The following CLIC4 variants were observed in gnomAD, a reference collection of about 807,000 sequenced individuals.
CLIC4 encodes the protein chloride intracellular channel protein 4.
In CLIC4, 13 loss-of-function variants were observed where a neutral mutation model predicts 24.6. The ratio of observed to expected loss-of-function variants is 0.53; its 90% confidence interval spans 0.34 to 0.84. The LOEUF is 0.84. Among genes scored for constraint, CLIC4 ranks in the 40% least tolerant of loss-of-function variants. CLIC4 has a pLI of 0.01. For synonymous variants in CLIC4, 104 were observed against 111.3 expected (o/e 0.93, Z 0.41); for missense variants, 227 against 301.7 (o/e 0.75, Z 1.83).
At chr1:24,771,754 T>C (rs9332415) in intron 1 of CLIC4, 239,652 of 392,268 alleles carry the variant, frequency 0.61, 75,898 homozygotes, top group Non-Finnish European at 0.68. Flanking sequence ...ATTGGGGTTT[T>C]GTAACTAGCT....
intron 4 of CLIC4, among the ~76,000 whole-genome samples, chr1:24,829,363 G>A (rs1639817778): frequency 6.6e-6 from 1 of 152,144 alleles, no homozygotes; most frequent in South Asian, 2.1e-4. Context: ...AAAATGTGAA[G>A]AATAAAGGGA....
chr1:24,802,715 T>TTC (rs1639504704), intron 2 of CLIC4, among the ~76,000 whole-genome samples: 1 of 150,140 alleles, frequency 6.7e-6, no homozygotes, highest in African/African-American at 2.4e-5. Flanking sequence ...CTTTTTCTTT[T>TTC]TTTTTTTTTT....
chr1:24,808,327 TATATAAA>T (rs1639574911), intron 2 of CLIC4, among the ~76,000 whole-genome samples: 1 of 152,174 alleles, frequency 6.6e-6, no homozygotes, highest in Non-Finnish European at 1.5e-5. Context: ...TCAAGTTTCT[TATATAAA>T]ATGGAATAGT....
chr1:24,819,459 C>T (rs775059054), intron 3 of CLIC4, among the ~76,000 whole-genome samples: 16 of 147,120 alleles, frequency 1.1e-4, no homozygotes, highest in East Asian at 3.9e-4. Context: ...TTTTTTGAGA[C>T]GGAGTTTCAC....
chr1:24,827,700 T>C (rs532596278), intron 4 of CLIC4, among the ~76,000 whole-genome samples: 1 of 152,248 alleles, frequency 6.6e-6, no homozygotes, highest in South Asian at 2.1e-4. Flanking sequence ...TTTCAAGTCA[T>C]GTTTTCGCGG....
At chr1:24,773,616 T>TG (rs1639098076) in intron 1 of CLIC4, among the ~76,000 whole-genome samples, 1 of 67,696 alleles carries the variant, frequency 1.5e-5, no homozygotes, top group African/African-American at 4.9e-5. Context: ...TTTTTTTTTT[T>TG]GACAGGGCCT....
chr1:24,810,744 G>A lies in CLIC4; in HGVS notation c.183-3350G>A, dbSNP rs990052061. Among the ~76,000 whole-genome samples, 85 of 151,256 alleles carry A rather than the reference G, an allele frequency of 5.6e-4. 1 individual carries two copies. Among genetic ancestry groups the A allele is most frequent in the African/African-American group, 2.0e-3 (83 of 41,118 alleles). On this transcript the variant is annotated intron_variant, in intron 2 of 5. Coordinates refer to ENST00000374379, the MANE Select transcript of CLIC4 (RefSeq NM_013943.3). ...ACCATGATTGTGACACTGCACTCCT[G>A]CTTTGGTGACTGGTCTCAAAAAAAA...
intron 1 of CLIC4, among the ~76,000 whole-genome samples, chr1:24,790,237 G>A (rs6663102): frequency 0.99 from 151,449 of 152,264 alleles, 75,321 homozygotes; most frequent in Middle Eastern, 1. Context: ...ACACTCGGCT[G>A]ATTTTTGTAT....
chr1:24,818,361 A>G (rs1218347476), intron 3 of CLIC4, among the ~76,000 whole-genome samples: 1 of 152,050 alleles, frequency 6.6e-6, no homozygotes, highest in Non-Finnish European at 1.5e-5. Context: ...ATCTTGGCTC[A>G]CTACAACCTC....
chr1:24,840,068 T>C, intron 5 of CLIC4, 27 bp downstream of exon 5: 1 of 1,601,794 alleles, frequency 6.2e-7, no homozygotes. Context: ...TGATGTCGCA[T>C]TGCCATTACC....
intron 3 of CLIC4, among the ~76,000 whole-genome samples, chr1:24,816,029 T>C (rs572629126): frequency 1.3e-5 from 2 of 152,310 alleles, no homozygotes; most frequent in South Asian, 2.1e-4. Context: ...ATTCAAATTT[T>C]ATTATGAAGG....
chr1:24,788,601 A>T (rs1251936414), intron 1 of CLIC4, among the ~76,000 whole-genome samples: 1 of 152,172 alleles, frequency 6.6e-6, no homozygotes, highest in Non-Finnish European at 1.5e-5. Flanking sequence ...TCACTTATTC[A>T]AGTTACAGCA....
rs375314293 is a variant in CLIC4, at chr1:24,783,358, CT to C, written c.73-14374del. On this transcript the variant is annotated intron_variant, in intron 1 of 5. Transcript: ENST00000374379. ...CTGGTCCCTAACATCACAACAGAATCTTTTTTTTTTCCCCTGACACGCCAAA... is the reference window on the plus strand; with the variant it reads ...CTGGTCCCTAACATCACAACAGAATCTTTTTTTTTCCCCTGACACGCCAAA... 3.7e-4 allele frequency among the ~76,000 whole-genome samples: 56 copies of C among 150,074 alleles called. 1 individual carries two copies. In the East Asian group the frequency reaches 4.1e-3, roughly 11 times the overall value.
chr1:24,822,770 A>G lies in CLIC4; in HGVS notation c.309-4240A>G, dbSNP rs145387312. Among the ~76,000 whole-genome samples the G allele has an allele frequency of 1.8e-3, 276 of 152,356 alleles. 2 individuals carry two copies. Among genetic ancestry groups the G allele is most frequent in the Non-Finnish European group, 1.6e-3 (110 of 68,030 alleles). On this transcript the variant is annotated intron_variant, in intron 3 of 5. Coordinates refer to ENST00000374379, the MANE Select transcript of CLIC4 (RefSeq NM_013943.3). ...CCTTCTTAGTGGGCTCTATGGACCC[A>G]GAATGTGAAATGCTAATTAATTAGC...
At chr1:24,746,119 C>A (rs1220105810) in intron 1 of CLIC4, among the ~76,000 whole-genome samples, 5 of 152,236 alleles carry the variant, frequency 3.3e-5, no homozygotes, top group African/African-American at 1.2e-4. Flanking sequence ...ATTTGCTCCC[C>A]ACTGGTCTGA....
At position 24,840,993 on chromosome 1, in the gene CLIC4, T is replaced by A; in HGVS notation, c.*56T>A. 6.9e-7 allele frequency: 1 copy of A among 1,457,654 alleles called. No homozygotes were observed. Among genetic ancestry groups the A allele is most frequent in the Non-Finnish European group, 9.3e-7 (1 of 1,072,894 alleles). The allele number at this position is 1,457,654 out of a possible 1,614,324, so 90.3% of individuals were successfully genotyped here. On this transcript the variant is annotated 3_prime_UTR_variant, in exon 6 of 6. Coordinates refer to ENST00000374379, the MANE Select transcript of CLIC4 (RefSeq NM_013943.3). The stretch of plus-strand genomic sequence containing the variant: ...TCTTCCCCTAAGAATACGCTTTTCC[T>A]AACAGGCTACTCCTTCCTGTAGAGC...
At chr1:24,788,528 A>G (rs1222443143) in intron 1 of CLIC4, among the ~76,000 whole-genome samples, 1 of 152,188 alleles carries the variant, frequency 6.6e-6, no homozygotes, top group South Asian at 2.1e-4. Flanking sequence ...TTGTCCCTGT[A>G]TCTGCGGGTT....
chr1:24,805,327 G>T (rs1266887905), intron 2 of CLIC4, among the ~76,000 whole-genome samples: 2 of 152,058 alleles, frequency 1.3e-5, no homozygotes, highest in African/African-American at 2.4e-5. Context: ...GTTTTGTTGA[G>T]TCCATGATTA....
chr1:24,803,175 A>G (rs560770924), intron 2 of CLIC4, among the ~76,000 whole-genome samples: 1 of 152,346 alleles, frequency 6.6e-6, no homozygotes, highest in South Asian at 2.1e-4. Context: ...AGTACTTTTC[A>G]TAATATATTC....
Sources: gnomAD v4.1 joint callset for allele counts (sites outside exome capture counted in the v4.1 genomes callset) on GRCh38, gnomAD v4.1.1 for gene constraint, MANE v1.5 for transcripts, NCBI Gene and HGNC (gene_info 2026-07-23, HGNC 2026-07-21) for gene names.